Variants in NCAM1 observed in about 807,000 individuals in gnomAD.
The protein encoded by NCAM1 is neural cell adhesion molecule 1, also known as antigen recognized by monoclonal antibody 5.1H11.
Under a neutral mutation model 109.8 loss-of-function variants are expected in NCAM1, and 14 were observed. That is an observed-to-expected ratio of 0.13 (90% CI 0.08 to 0.20). NCAM1 has a LOEUF of 0.20. Ranked by LOEUF, NCAM1 falls within the 10% of genes least tolerant of loss-of-function variation. NCAM1 has a pLI of 1.00. For missense variants in NCAM1, 774 were observed against 1,109.9 expected, an observed-to-expected ratio of 0.70 and a Z score of 4.30; for synonymous variants, 418 against 442.9, an observed-to-expected ratio of 0.94 and a Z score of 0.70.
At chr11:113,169,339 T>C (rs973523875) in intron 1 of NCAM1, among the ~76,000 whole-genome samples, 1 of 152,092 alleles carries the variant, frequency 6.6e-6, no homozygotes, top group African/African-American at 2.4e-5. Context: ...GTACTGCAGA[T>C]TGGCTCCACA....
At chr11:113,202,236 C>A in intron 1 of NCAM1, 143 bp from the exon 2 acceptor site, 3 of 832,980 alleles carry the variant, frequency 3.6e-6, no homozygotes, top group Non-Finnish European at 5.5e-6. Flanking sequence ...CCTCCCTTCA[C>A]TCTTTCTTAA....
chr11:113,232,314 A>G lies in NCAM1; in HGVS notation c.1385A>G (p.Asn462Ser). 6.2e-7 allele frequency: 1 copy of G among 1,613,524 alleles called. No individual in the cohort carries two copies. The highest frequency in any genetic ancestry group is 1.1e-5 in the South Asian group (1 of 91,018). The change falls in exon 11 of 20, where the codon AAT becomes AGT. Residue 462 changes from asparagine to serine, a missense_variant. Coordinates refer to ENST00000316851, the MANE Select transcript of NCAM1 (RefSeq NM_181351.5). Reference sequence around the variant, plus strand: ...CTGCTGCCAAGCTCCAATTACAGCAATATCAAGATCTACAACACCCCCTCT... The same window carrying G: ...CTGCTGCCAAGCTCCAATTACAGCAGTATCAAGATCTACAACACCCCCTCT... Reference protein sequence around the residue: ...GQLLPSSNYSNIKIYNTPSAS... With the variant: ...GQLLPSSNYSSIKIYNTPSAS...
chr11:113,198,398 G>C (rs1943921399), intron 1 of NCAM1, among the ~76,000 whole-genome samples: 1 of 150,592 alleles, frequency 6.6e-6, no homozygotes, highest in Non-Finnish European at 1.5e-5. Context: ...TTGAGATGGA[G>C]TCTTGCTCTG....
At chr11:113,060,037 A>C (rs1240155392) in intron 1 of NCAM1, among the ~76,000 whole-genome samples, 8 of 152,230 alleles carry the variant, frequency 5.3e-5, no homozygotes, top group Non-Finnish European at 1.0e-4. Flanking sequence ...AAGATTGAAT[A>C]CTGGGTGTGA....
chr11:112,967,186 A>G (rs1950749970), intron 1 of NCAM1, among the ~76,000 whole-genome samples: 1 of 152,210 alleles, frequency 6.6e-6, no homozygotes, highest in Non-Finnish European at 1.5e-5. Context: ...TCCTGAGATA[A>G]GGTGTAAAAT....
intron 1 of NCAM1, among the ~76,000 whole-genome samples, chr11:113,174,416 G>A (rs1943087065): frequency 6.6e-6 from 1 of 152,128 alleles, no homozygotes; most frequent in Admixed American, 6.5e-5. Flanking sequence ...CTTTGTATAT[G>A]GCAAAATAAA....
intron 14 of NCAM1, chr11:113,240,418 G>T (rs1000133868): frequency 1.6e-5 from 4 of 249,922 alleles, no homozygotes; most frequent in Non-Finnish European, 3.0e-5. Flanking sequence ...TCCTTCACTG[G>T]TTCACCTTAA....
chr11:113,254,060 T>A (rs1449570319), intron 15 of NCAM1, among the ~76,000 whole-genome samples: 3 of 152,246 alleles, frequency 2.0e-5, no homozygotes, highest in Non-Finnish European at 4.4e-5. Flanking sequence ...TGCCTTGATC[T>A]AAAATCTATG....
At chr11:113,208,189 C>T (rs574790639) in intron 7 of NCAM1, among the ~76,000 whole-genome samples, 187 bp downstream of exon 7, 48 of 152,256 alleles carry the variant, frequency 3.2e-4, no homozygotes, top group African/African-American at 1.1e-3. Flanking sequence ...AGCAGTGGGA[C>T]GGTCTCATAG....
intron 1 of NCAM1, among the ~76,000 whole-genome samples, chr11:113,145,953 G>T (rs1728997103): frequency 6.6e-6 from 1 of 152,186 alleles, no homozygotes; most frequent in Non-Finnish European, 1.5e-5. Flanking sequence ...GTTGGAAAAT[G>T]TCAGAGTCTT....
In NCAM1 at chr11:113,264,635, G is replaced by A. The variant is rs1273446340; in HGVS notation, c.2131+4312G>A. On this transcript the variant is annotated intron_variant, in intron 17 of 19. Transcript: ENST00000316851. ...CTAGGAGGGCCCAGCTTGGGAGTCTGCCTCCCCCTGATCCCAGGACCACCC... is the reference window on the plus strand; with the variant it reads ...CTAGGAGGGCCCAGCTTGGGAGTCTACCTCCCCCTGATCCCAGGACCACCC... The A allele has an allele frequency of 1.3e-5, 13 of 985,414 alleles. No homozygotes were observed. In the African/African-American group the frequency reaches 1.4e-4, roughly 11 times the overall value. The allele number at this position is 985,414 out of a possible 1,614,324, so 61.0% of individuals were successfully genotyped here. A position where few individuals can be genotyped will look rare whatever the true frequency, so the allele number is the denominator to read the frequency against.
chr11:113,036,428 C>T (rs1013606932), intron 1 of NCAM1, among the ~76,000 whole-genome samples: 15 of 151,998 alleles, frequency 9.9e-5, no homozygotes, highest in African/African-American at 3.4e-4. Flanking sequence ...GGGTGCCTCT[C>T]CCCCATTCCA....
At chr11:113,044,011 T>C (rs147969420) in intron 1 of NCAM1, among the ~76,000 whole-genome samples, 10 of 152,284 alleles carry the variant, frequency 6.6e-5, no homozygotes, top group African/African-American at 2.4e-4. Flanking sequence ...GTTTTCATTA[T>C]AATATTTAGC....
intron 9 of NCAM1, among the ~76,000 whole-genome samples, chr11:113,229,313 C>G (rs1392852388): frequency 6.6e-6 from 1 of 152,138 alleles, no homozygotes; most frequent in African/African-American, 2.4e-5. Flanking sequence ...ATTTATGCAG[C>G]CAAAAGACAC....
At chr11:113,061,426 A>G (rs1937634146) in intron 1 of NCAM1, among the ~76,000 whole-genome samples, 1 of 152,190 alleles carries the variant, frequency 6.6e-6, no homozygotes. Flanking sequence ...TTTATAAGTA[A>G]TCTCAAAAGT....
chr11:113,157,184 G>A (rs782185967), intron 1 of NCAM1, among the ~76,000 whole-genome samples: 3 of 150,538 alleles, frequency 2.0e-5, no homozygotes, highest in Non-Finnish European at 2.9e-5. Context: ...ACCCTGGCAT[G>A]TTCTGCTTAA....
rs186232270 is a variant in NCAM1 at position 113,165,590 on chromosome 11, C to G, written c.53-36789C>G. Among the ~76,000 whole-genome samples, 80 of 152,222 alleles carry G rather than the reference C, an allele frequency of 5.3e-4. No homozygotes were observed. The East Asian group carries it at 0.013, about 25-fold the overall frequency. ...GGATCTATATAGCCTTTGCTTCCCC[C>G]ACCCCCGATGGGACCATTATGAGAG... On this transcript the variant is annotated intron_variant, in intron 1 of 19. Transcript: ENST00000316851.
chr11:113,023,191 G>A (rs1952442886), intron 1 of NCAM1, among the ~76,000 whole-genome samples: 1 of 152,144 alleles, frequency 6.6e-6, no homozygotes, highest in Admixed American at 6.5e-5. Flanking sequence ...CATAAGTGTG[G>A]GTTATCTTTC....
chr11:113,171,106 T>C (rs1555106145), intron 1 of NCAM1, among the ~76,000 whole-genome samples: 1 of 152,212 alleles, frequency 6.6e-6, no homozygotes, highest in African/African-American at 2.4e-5. Flanking sequence ...ACCTTATTTA[T>C]TCATGTTATC....
Sources: gnomAD v4.1 joint callset for allele counts (sites outside exome capture counted in the v4.1 genomes callset) on GRCh38, gnomAD v4.1.1 for gene constraint, MANE v1.5 for transcripts, NCBI Gene and HGNC (gene_info 2026-07-23, HGNC 2026-07-21) for gene names.